FCRL1: variants seen among roughly 807,000 people sequenced by gnomAD.
The protein encoded by FCRL1 is Fc receptor like 1.
In FCRL1, 34 loss-of-function variants were observed where a neutral mutation model predicts 49.2. The observed-to-expected ratio is 0.69, with a 90% CI of 0.53 to 0.92. The LOEUF is 0.92. Among genes scored for constraint, FCRL1 ranks in the 40% least tolerant of loss-of-function variants. The pLI is 0.00. For synonymous variants in FCRL1, 218 were observed against 201.6 expected, an observed-to-expected ratio of 1.08 and a Z score of -0.69; for missense variants, 524 against 524.1, an observed-to-expected ratio of 1.00 and a Z score of 0.00.
intron 1 of FCRL1, among the ~76,000 whole-genome samples, chr1:157,814,928 T>C (rs946972063): frequency 5.3e-5 from 8 of 151,816 alleles, no homozygotes; most frequent in African/African-American, 1.9e-4. Context: ...CATATATACA[T>C]CCAACACTAG....
chr1:157,816,531 C>A (rs1056484696), intron 1 of FCRL1, among the ~76,000 whole-genome samples: 2 of 151,638 alleles, frequency 1.3e-5, no homozygotes, highest in African/African-American at 4.8e-5. Context: ...AAATCTAGAA[C>A]AAGACAAAGA....
chr1:157,819,388 G>A (rs148230810), intron 1 of FCRL1, among the ~76,000 whole-genome samples: 20 of 152,290 alleles, frequency 1.3e-4, no homozygotes, highest in African/African-American at 4.1e-4. Flanking sequence ...GAAGAGAGAT[G>A]AAGGTGTGCT....
chr1:157,797,202 A>G (rs987876724), intron 9 of FCRL1, 70 bp from the exon 10 acceptor site: 33 of 1,410,810 alleles, frequency 2.3e-5, no homozygotes, highest in South Asian at 1.2e-4. Flanking sequence ...TTGTGTTAAG[A>G]AAAGCTTCTT....
At chr1:157,818,670 A>G (rs1321397881) in intron 1 of FCRL1, among the ~76,000 whole-genome samples, 1 of 152,104 alleles carries the variant, frequency 6.6e-6, no homozygotes, top group Non-Finnish European at 1.5e-5. Context: ...TGGAAAAAAA[A>G]TTGGGGATGC....
rs1188107015 is a variant in FCRL1, at chr1:157,802,410, T to G, written c.574A>C (p.Ser192Arg). ...YCVAENGYGP[S>R]PSGLVSITVR... Reference sequence around the variant, plus strand: ...GTGATGCTCACCAGCCCACTGGGGCTGGGACCATAGCCATTTTCAGCTACA... The same window carrying G: ...GTGATGCTCACCAGCCCACTGGGGCGGGGACCATAGCCATTTTCAGCTACA... The change falls in exon 4 of 11, where the codon AGC becomes CGC. Residue 192 changes from serine to arginine, a missense_variant. By Grantham distance (110) the Ser-to-Arg change is moderately radical. Coordinates refer to ENST00000368176, the MANE Select transcript of FCRL1 (RefSeq NM_052938.5). 1 of 1,614,218 alleles carries G rather than the reference T, an allele frequency of 6.2e-7. No individual in the cohort carries two copies. Among genetic ancestry groups the G allele is most frequent in the East Asian group, 2.2e-5 (1 of 44,880 alleles).
At chr1:157,819,912 C>G (rs1655558626) in intron 1 of FCRL1, 95 bp downstream of exon 1, 1 of 1,464,872 alleles carries the variant, frequency 6.8e-7, no homozygotes, top group Non-Finnish European at 9.6e-7. Flanking sequence ...CATTACCTGA[C>G]AGAACCTTAG....
At chr1:157,799,135 G>A (rs890835735) in intron 7 of FCRL1, among the ~76,000 whole-genome samples, 3 of 152,030 alleles carry the variant, frequency 2.0e-5, no homozygotes, top group African/African-American at 7.2e-5. Flanking sequence ...TGAGTAGCTG[G>A]GACTACAGGC....
rs2101797548 is a variant in FCRL1, at chr1:157,794,465, C to T, written c.*1634G>A. 6.6e-6 allele frequency: 1 copy of T among 152,212 alleles called. No individual in the cohort carries two copies. The highest frequency in any genetic ancestry group is 2.1e-4 in the South Asian group (1 of 4,810). The allele number at this position is 152,212 out of a possible 1,614,324, so 9.4% of individuals were successfully genotyped here. A position where few individuals can be genotyped will look rare whatever the true frequency, so the allele number is the denominator to read the frequency against. Reference sequence around the variant, plus strand: ...CAATGTGAAAACTAAGTAATACACCCCACAAACTGATTTCCCAGACGTTGT... The same window carrying T: ...CAATGTGAAAACTAAGTAATACACCTCACAAACTGATTTCCCAGACGTTGT... On this transcript the variant is annotated 3_prime_UTR_variant, in exon 11 of 11. Transcript: ENST00000368176.
intron 1 of FCRL1, 83 bp downstream of exon 1, chr1:157,819,924 C>G (rs1655562197): frequency 6.5e-7 from 1 of 1,528,632 alleles, no homozygotes; most frequent in Non-Finnish European, 9.1e-7. Flanking sequence ...GAACCTTAGT[C>G]CTAAGAAGTC....
intron 10 of FCRL1, 48 bp downstream of exon 10, chr1:157,797,046 ACCAGTCC>A (rs1432124992): frequency 6.4e-7 from 1 of 1,572,906 alleles, no homozygotes. Flanking sequence ...AAGTTTGAGA[ACCAGTCC>A]CCAGAGGAAA....
intron 3 of FCRL1, 109 bp downstream of exon 3, chr1:157,803,736 T>G: frequency 1.4e-6 from 2 of 1,380,048 alleles, no homozygotes; most frequent in Non-Finnish European, 9.8e-7. Context: ...AGGAATATCT[T>G]TCAAACAGCT....
At chr1:157,808,269 A>C (rs1254474760) in intron 1 of FCRL1, among the ~76,000 whole-genome samples, 1 of 152,172 alleles carries the variant, frequency 6.6e-6, no homozygotes, top group African/African-American at 2.4e-5. Flanking sequence ...ATAAGTATAT[A>C]ATATTCTTTC....
At chr1:157,805,583 C>A (rs1415683732) in intron 2 of FCRL1, among the ~76,000 whole-genome samples, 2 of 152,118 alleles carry the variant, frequency 1.3e-5, no homozygotes, top group African/African-American at 2.4e-5. Context: ...GCTCTTGGAG[C>A]TAGGCAGGGC....
intron 1 of FCRL1, among the ~76,000 whole-genome samples, chr1:157,816,805 A>ATAGG (rs1655088979): frequency 6.6e-6 from 1 of 151,594 alleles, no homozygotes; most frequent in African/African-American, 2.4e-5. Context: ...AGATAGATAG[A>ATAGG]TAGATAGATA....
rs186042824 is a variant in FCRL1, at chr1:157,809,229, T to C, written c.32-2107A>G. Among the ~76,000 whole-genome samples the C allele has an allele frequency of 5.9e-5, 9 of 152,188 alleles. No homozygotes were observed. The East Asian group carries it at 1.5e-3, about 26-fold the overall frequency. On this transcript the variant is annotated intron_variant, in intron 1 of 10. Transcript: ENST00000368176. ...AGTGAGTATGGATGAAGTCTAGGTATCAACTTTGAGGATGTCCAACATTTT... is the reference window on the plus strand; with the variant it reads ...AGTGAGTATGGATGAAGTCTAGGTACCAACTTTGAGGATGTCCAACATTTT...
chr1:157,803,210 A>G (rs1419675019), intron 3 of FCRL1, among the ~76,000 whole-genome samples: 2 of 152,210 alleles, frequency 1.3e-5, no homozygotes, highest in Non-Finnish European at 2.9e-5. Flanking sequence ...GTGGTGGTCC[A>G]GTTTCACCAG....
chr1:157,819,873 G>A (rs531568995), intron 1 of FCRL1, 134 bp downstream of exon 1: 14 of 993,616 alleles, frequency 1.4e-5, no homozygotes, highest in Middle Eastern at 3.3e-4. Flanking sequence ...TGAGCCCTCC[G>A]TGGAAGTGGA....
intron 8 of FCRL1, 28 bp downstream of exon 8, chr1:157,798,133 T>C: frequency 6.3e-7 from 1 of 1,599,348 alleles, no homozygotes; most frequent in South Asian, 1.1e-5. Context: ...TGTACCATCG[T>C]TGGCCTGGGC....
In FCRL1 at chr1:157,803,850, A is replaced by G; in HGVS notation, c.314T>C (p.Val105Ala). The change falls in exon 3 of 11, where the codon GTG (valine) becomes GCG (alanine). Residue 105 changes from valine to alanine, a missense_variant. By Grantham distance (64) the Val-to-Ala change is moderately conservative. Transcript: ENST00000368176. ...CTGACCCCACTGACACTCACTGTGC[A>G]CATTTATCTGGGATCTCCTGCTCCT... ...VLRSRRSQIN[V>A]HRVPVADVSL... The G allele has an allele frequency of 6.2e-7, 1 of 1,613,866 alleles. No homozygotes were observed. The highest frequency in any genetic ancestry group is 8.5e-7 in the Non-Finnish European group (1 of 1,179,800).
Sources: gnomAD v4.1 joint callset for allele counts (sites outside exome capture counted in the v4.1 genomes callset) on GRCh38, gnomAD v4.1.1 for gene constraint, MANE v1.5 for transcripts, NCBI Gene and HGNC (gene_info 2026-07-23, HGNC 2026-07-21) for gene names.